TBL1XR1: variants seen among roughly 807,000 people sequenced by gnomAD.
The protein encoded by TBL1XR1 is TBL1X/Y related 1, also known as F-box-like/WD repeat-containing protein TBL1XR1.
In TBL1XR1, 5 loss-of-function variants were observed where a neutral mutation model predicts 66.9. That is an observed-to-expected ratio of 0.07 (90% CI 0.04 to 0.16). The LOEUF is 0.16. Ranked by LOEUF, TBL1XR1 falls within the 10% of genes least tolerant of loss-of-function variation. TBL1XR1 has a pLI of 1.00. For missense variants in TBL1XR1, 238 were observed against 623.2 expected, an observed-to-expected ratio of 0.38 and a Z score of 6.58; for synonymous variants, 210 against 206.0, an observed-to-expected ratio of 1.02 and a Z score of -0.17.
intron 2 of TBL1XR1, among the ~76,000 whole-genome samples, chr3:177,069,851 A>G (rs1719731789): frequency 6.7e-6 from 1 of 149,898 alleles, no homozygotes; most frequent in Non-Finnish European, 1.5e-5. Context: ...GAAGGAAGGA[A>G]GGAAAAACAA....
intron 1 of TBL1XR1, among the ~76,000 whole-genome samples, chr3:177,154,854 T>G (rs1225310488): frequency 6.6e-6 from 1 of 152,010 alleles, no homozygotes; most frequent in Non-Finnish European, 1.5e-5. Flanking sequence ...TACAAAATAC[T>G]GAAGTGCAAA....
chr3:177,135,107 T>C (rs1728772853), intron 1 of TBL1XR1, among the ~76,000 whole-genome samples: 4 of 151,470 alleles, frequency 2.6e-5, no homozygotes, highest in Admixed American at 6.6e-5. Context: ...GTTCAAGAGA[T>C]TCTCCTGCCT....
chr3:177,146,896 T>G (rs1730323375), intron 1 of TBL1XR1, among the ~76,000 whole-genome samples: 1 of 151,114 alleles, frequency 6.6e-6, no homozygotes, highest in Admixed American at 6.6e-5. Flanking sequence ...TGCCCAAGAG[T>G]TTTCCCTCTG....
At chr3:177,044,804 G>A (rs1716098879) in intron 10 of TBL1XR1, 1 of 152,234 alleles carries the variant, frequency 6.6e-6, no homozygotes, top group Non-Finnish European at 1.5e-5. Context: ...GGGACAGAAA[G>A]AGCACCATCT....
chr3:177,143,301 A>G (rs1729844082), intron 1 of TBL1XR1, among the ~76,000 whole-genome samples: 1 of 152,080 alleles, frequency 6.6e-6, no homozygotes, highest in Non-Finnish European at 1.5e-5. Context: ...AGCGATGCTC[A>G]GTATTTGCTA....
Position 177,025,486 on chromosome 3 carries a change from C to A in TBL1XR1, c.*12G>T. On this transcript the variant is annotated 3_prime_UTR_variant, in exon 16 of 16. Coordinates refer to ENST00000457928, the MANE Select transcript of TBL1XR1 (RefSeq NM_024665.7). ...ACATTCATAGTCGGTCCATGGCTTC[C>A]AACTAGTAGCGCTATTTCCGAAGGT... 6.2e-7 allele frequency: 1 copy of A among 1,612,318 alleles called. No individual in the cohort carries two copies. The highest frequency in any genetic ancestry group is 8.5e-7 in the Non-Finnish European group (1 of 1,179,496).
Position 177,022,992 on chromosome 3 carries a change from T to C in TBL1XR1, c.*2506A>G, listed in dbSNP as rs1223469676. 1.3e-5 allele frequency: 2 copies of C among 152,056 alleles called. No individual in the cohort carries two copies. The highest frequency in any genetic ancestry group is 6.6e-5 in the Admixed American group (1 of 15,244). 9.4% of individuals were successfully genotyped at this position (152,056 alleles called of 1,614,324 possible). A position where few individuals can be genotyped will look rare whatever the true frequency, so the allele number is the denominator to read the frequency against. On this transcript the variant is annotated 3_prime_UTR_variant, in exon 16 of 16. Coordinates refer to ENST00000457928, the MANE Select transcript of TBL1XR1 (RefSeq NM_024665.7). ...TCTTTTATATGTCCTATTGTGGCTA[T>C]TATGCTTAAGTAAAATAGCTAAAGA... is the stretch of plus-strand genomic sequence containing the variant.
At chr3:177,064,855 C>T (rs1294284573) in intron 3 of TBL1XR1, 65 bp downstream of exon 3, 2 of 1,104,592 alleles carry the variant, frequency 1.8e-6, no homozygotes, top group African/African-American at 1.6e-5. Flanking sequence ...ATTTCAAATG[C>T]ATAAAAGATT....
intron 2 of TBL1XR1, chr3:177,079,739 T>C (rs2108599089): frequency 6.8e-6 from 1 of 146,526 alleles, no homozygotes; most frequent in East Asian, 2.0e-4. Flanking sequence ...AAAAGGAAAA[T>C]AAGAGTTAGA....
intron 11 of TBL1XR1, 22 bp from the exon 12 acceptor site, chr3:177,038,194 C>T (rs1311955968): frequency 3.1e-6 from 5 of 1,610,914 alleles, no homozygotes; most frequent in Non-Finnish European, 4.2e-6. Context: ...AGTAAATATT[C>T]ACATTTTCAT....
At chr3:177,187,532 G>C (rs1257634590) in intron 1 of TBL1XR1, among the ~76,000 whole-genome samples, 1 of 152,060 alleles carries the variant, frequency 6.6e-6, no homozygotes, top group Non-Finnish European at 1.5e-5. Context: ...TAGAAGCTAA[G>C]TGATTTACTC....
chr3:177,189,563 G>A (rs537281377), intron 1 of TBL1XR1, among the ~76,000 whole-genome samples: 5 of 150,424 alleles, frequency 3.3e-5, no homozygotes, highest in Admixed American at 6.6e-5. Context: ...GCTAAGGCAG[G>A]AGAATCGCTT....
At chr3:177,166,188 A>T (rs1324777965) in intron 1 of TBL1XR1, among the ~76,000 whole-genome samples, 1 of 152,168 alleles carries the variant, frequency 6.6e-6, no homozygotes, top group Non-Finnish European at 1.5e-5. Flanking sequence ...GGAGTTTGAG[A>T]CCAGCTTGGG....
intron 1 of TBL1XR1, among the ~76,000 whole-genome samples, chr3:177,187,295 G>A (rs1221677987): frequency 2.6e-5 from 4 of 151,406 alleles, no homozygotes; most frequent in Non-Finnish European, 4.4e-5. Context: ...TCGGGAGACT[G>A]AGGCAGGGAG....
At chr3:177,168,197 G>C (rs144563642) in intron 1 of TBL1XR1, among the ~76,000 whole-genome samples, 141 of 151,892 alleles carry the variant, frequency 9.3e-4, no homozygotes, top group African/African-American at 3.3e-3. Flanking sequence ...TAATTAAAGT[G>C]TTCATTTAGG....
At chr3:177,149,502 A>G (rs887503782) in intron 1 of TBL1XR1, among the ~76,000 whole-genome samples, 4 of 152,214 alleles carry the variant, frequency 2.6e-5, no homozygotes, top group Non-Finnish European at 5.9e-5. Flanking sequence ...CTAATTTACT[A>G]ATAGGCCACC....
rs188632684 is a variant in TBL1XR1 at position 177,049,613 on chromosome 3, C to G, written c.702+384G>C. On this transcript the variant is annotated intron_variant, in intron 7 of 15. Coordinates refer to ENST00000457928, the MANE Select transcript of TBL1XR1 (RefSeq NM_024665.7). ...TTTGCTACACAGAATTCTTTTATCC[C>G]CTAAGGACTCGGTTGTTATAGATTT... Among the ~76,000 whole-genome samples, 80 of 152,226 alleles carry G rather than the reference C, an allele frequency of 5.3e-4. No individual in the cohort carries two copies. In the South Asian group the frequency reaches 7.9e-3, roughly 15 times the overall value.
chr3:177,105,957 G>C (rs1477656383), intron 1 of TBL1XR1, among the ~76,000 whole-genome samples: 1 of 152,094 alleles, frequency 6.6e-6, no homozygotes, highest in East Asian at 1.9e-4. Flanking sequence ...GAGGTGTTCA[G>C]AACTAGAGGG....
rs1712762514 is a variant in TBL1XR1, at chr3:177,024,185, CAGGA to C, written c.*1309_*1312del. 1 of 152,034 alleles carries C rather than the reference CAGGA, an allele frequency of 6.6e-6. No homozygotes were observed. The highest frequency in any genetic ancestry group is 2.4e-5 in the African/African-American group (1 of 41,304). The allele number at this position is 152,034 out of a possible 1,614,324, so 9.4% of individuals were successfully genotyped here. A position where few individuals can be genotyped will look rare whatever the true frequency, so the allele number is the denominator to read the frequency against. ...TACCACAAATGCAGAATCAGAGCAG[CAGGA>C]AGAAGGTTAGTGCAATTATACTTTC... On this transcript the variant is annotated 3_prime_UTR_variant, in exon 16 of 16. Coordinates refer to ENST00000457928, the MANE Select transcript of TBL1XR1 (RefSeq NM_024665.7).
Sources: allele counts gnomAD v4.1 joint callset (sites outside exome capture counted in the v4.1 genomes callset), GRCh38; gene constraint gnomAD v4.1.1; transcripts MANE v1.5; gene names NCBI Gene and HGNC (gene_info 2026-07-23, HGNC 2026-07-21).